PSMD11: variants seen among roughly 807,000 people sequenced by gnomAD.
PSMD11 encodes the protein proteasome 26S subunit, non-ATPase 11.
PSMD11 carries 5 observed loss-of-function variants against 62.3 expected under a neutral mutation model. The observed-to-expected ratio is 0.08, with a 90% CI of 0.04 to 0.17. PSMD11 has a LOEUF of 0.17. Ranked by LOEUF, PSMD11 falls within the 10% of genes least tolerant of loss-of-function variation. The pLI is 1.00. For synonymous variants in PSMD11, 191 were observed against 191.8 expected (o/e 1.00, Z 0.03); for missense variants, 310 against 512.9 (o/e 0.60, Z 3.82).
intron 3 of PSMD11, among the ~76,000 whole-genome samples, chr17:32,460,753 C>CT (rs1907809463): frequency 8.3e-6 from 1 of 120,278 alleles, no homozygotes; most frequent in Non-Finnish European, 1.9e-5. Context: ...GAGACACTGT[C>CT]TCAAAAAAAA....
chr17:32,465,490 G>T (rs1907967938), intron 5 of PSMD11, among the ~76,000 whole-genome samples: 1 of 152,096 alleles, frequency 6.6e-6, no homozygotes, highest in South Asian at 2.1e-4. Context: ...GATCTATTAG[G>T]TTGAAGAGTT....
Position 32,479,737 on chromosome 17 carries a change from G to A in PSMD11, c.1039-114G>A, listed in dbSNP as rs1908434743. On this transcript the variant is annotated intron_variant, in intron 10 of 13. Transcript: ENST00000261712. Reference sequence around the variant, plus strand: ...AGAGACTTAAGCACGGCCAAGGAGGGTCTTACATTAGAATTTTGAGAAATA... The same window carrying A: ...AGAGACTTAAGCACGGCCAAGGAGGATCTTACATTAGAATTTTGAGAAATA... 3 of 1,256,050 alleles carry A rather than the reference G, an allele frequency of 2.4e-6. No homozygotes were observed. The South Asian group carries it at 3.8e-5, about 16-fold the overall frequency. The allele number at this position is 1,256,050 out of a possible 1,614,324, so 77.8% of individuals were successfully genotyped here. A position where few individuals can be genotyped will look rare whatever the true frequency, so the allele number is the denominator to read the frequency against.
rs1224374202 is a variant in PSMD11 at position 32,483,189 on chromosome 17, A to C, written c.*2437A>C. On this transcript the variant is annotated 3_prime_UTR_variant, in exon 14 of 14. Coordinates refer to ENST00000261712, the MANE Select transcript of PSMD11 (RefSeq NM_002815.4). ...GAGCTGTGATACACTGCAAGTGTAAACACAAACCAGACTTCGAAGGCTTAG... is the reference window on the plus strand; with the variant it reads ...GAGCTGTGATACACTGCAAGTGTAACCACAAACCAGACTTCGAAGGCTTAG... 1 of 152,248 alleles carries C rather than the reference A, an allele frequency of 6.6e-6. No individual in the cohort carries two copies. The highest frequency in any genetic ancestry group is 1.5e-5 in the Non-Finnish European group (1 of 68,040). The allele number at this position is 152,248 out of a possible 1,614,324, so 9.4% of individuals were successfully genotyped here.
chr17:32,479,121 T>A, intron 9 of PSMD11, 130 bp from the exon 10 acceptor site: 1 of 1,220,044 alleles, frequency 8.2e-7, no homozygotes, highest in Non-Finnish European at 1.1e-6. Context: ...ATCATGCATC[T>A]CCCCAGATCT....
At chr17:32,466,778 G>T (rs1366691671) in intron 5 of PSMD11, among the ~76,000 whole-genome samples, 3 of 152,072 alleles carry the variant, frequency 2.0e-5, no homozygotes, top group Non-Finnish European at 4.4e-5. Flanking sequence ...TTGTATGAGG[G>T]TTCCAATTTT....
chr17:32,465,898 C>G (rs1907978105), intron 5 of PSMD11, among the ~76,000 whole-genome samples: 1 of 152,128 alleles, frequency 6.6e-6, no homozygotes. Context: ...TCATTTGAAC[C>G]CGGGAGGTGG....
At chr17:32,454,381 A>T (rs1346665360) in intron 2 of PSMD11, 114 bp from the exon 3 acceptor site, 6 of 1,063,234 alleles carry the variant, frequency 5.6e-6, no homozygotes, top group Non-Finnish European at 8.3e-6. Context: ...TTTCACTTAG[A>T]CTGATTCCAG....
chr17:32,463,906 C>T (rs977658427), intron 3 of PSMD11, 143 bp from the exon 4 acceptor site: 2 of 729,250 alleles, frequency 2.7e-6, no homozygotes, highest in East Asian at 2.6e-5. Context: ...ATAACTATTA[C>T]ACATTGAGAT....
rs775140318 is a variant in PSMD11 at position 32,482,224 on chromosome 17, G to C, written c.*1472G>C. ...GCTTTTATTTTCCTCTCCAAAATCA[G>C]GTTTTTGTTCTCAACATCTTTCCCC... On this transcript the variant is annotated 3_prime_UTR_variant, in exon 14 of 14. Transcript: ENST00000261712. The C allele has an allele frequency of 6.6e-5, 10 of 152,044 alleles. No individual in the cohort carries two copies. Among genetic ancestry groups the C allele is most frequent in the Non-Finnish European group, 1.0e-4 (7 of 68,016 alleles). 9.4% of individuals were successfully genotyped at this position (152,044 alleles called of 1,614,324 possible).
At position 32,482,074 on chromosome 17, in the gene PSMD11, TCTG is replaced by T. The variant is rs1318837997; in HGVS notation, c.*1326_*1328del. ...TCTTTTCCTCTCCTTCCTGCCTTCT[TCTG>T]CTGGCCTCCTTTTCTCTTTCTTTAC... On this transcript the variant is annotated 3_prime_UTR_variant, in exon 14 of 14. Coordinates refer to ENST00000261712, the MANE Select transcript of PSMD11 (RefSeq NM_002815.4). The T allele has an allele frequency of 6.6e-6, 1 of 152,158 alleles. No individual in the cohort carries two copies. Among genetic ancestry groups the T allele is most frequent in the Non-Finnish European group, 1.5e-5 (1 of 68,034 alleles). 9.4% of individuals were successfully genotyped at this position (152,158 alleles called of 1,614,324 possible).
chr17:32,476,493 C>T (rs1908325029), intron 8 of PSMD11, among the ~76,000 whole-genome samples: 1 of 152,176 alleles, frequency 6.6e-6, no homozygotes, highest in Non-Finnish European at 1.5e-5. Flanking sequence ...ATTAGCCTTG[C>T]ACCATGTAGT....
Position 32,480,523 on chromosome 17 carries a change from T to A in PSMD11, c.1161T>A (p.Ile387=). The change falls in exon 13 of 14, where the codon ATT becomes ATA. Residue 387 remains isoleucine (I), a synonymous_variant. Transcript: ENST00000261712. The part of the protein sequence containing the change: ...ILDQGEGVLI[I]FDEPPVDKTY... ...ACCAGGGGGAGGGTGTCCTGATTATTTTCGATGAACCCCCAGTAGATAAAA... is the reference window on the plus strand; with the variant it reads ...ACCAGGGGGAGGGTGTCCTGATTATATTCGATGAACCCCCAGTAGATAAAA... 1 of 1,614,182 alleles carries A rather than the reference T, an allele frequency of 6.2e-7. No homozygotes were observed. The highest frequency in any genetic ancestry group is 8.5e-7 in the Non-Finnish European group (1 of 1,180,018).
At chr17:32,473,156 CAAAAA>C (rs111700075) in intron 6 of PSMD11, among the ~76,000 whole-genome samples, 1 of 139,348 alleles carries the variant, frequency 7.2e-6, no homozygotes, top group Admixed American at 7.2e-5. Flanking sequence ...AGACTCGGCT[CAAAAA>C]AAAAAATAAA....
chr17:32,468,629 G>A (rs1908066525), intron 5 of PSMD11, among the ~76,000 whole-genome samples: 1 of 152,198 alleles, frequency 6.6e-6, no homozygotes, highest in South Asian at 2.1e-4. Flanking sequence ...GTGCCCCAGT[G>A]TTTCTTATAT....
At chr17:32,464,012 G>C in intron 3 of PSMD11, 37 bp from the exon 4 acceptor site, 1 of 1,573,722 alleles carries the variant, frequency 6.4e-7, no homozygotes, top group Non-Finnish European at 8.7e-7. Context: ...AGAATTTGAG[G>C]ACATAATGTT....
In PSMD11 at chr17:32,480,189, A is replaced by G. The variant is rs1368583751; in HGVS notation, c.1118A>G (p.Lys373Arg). ...TTATCACAGATGATTCTTGACAAGA[A>G]ATTTCATGGTAAGTAACAGTCACAC... ...RKLSQMILDKKFHGILDQGEG... is the reference protein window; with the variant it reads ...RKLSQMILDKRFHGILDQGEG... The change falls in exon 12 of 14, where the codon AAA (lysine) becomes AGA (arginine). Residue 373 changes from lysine to arginine, a missense_variant. Lys to Arg is a conservative substitution (Grantham distance 26). Coordinates refer to ENST00000261712, the MANE Select transcript of PSMD11 (RefSeq NM_002815.4). The G allele has an allele frequency of 6.2e-7, 1 of 1,613,576 alleles. No individual in the cohort carries two copies. Among genetic ancestry groups the G allele is most frequent in the Non-Finnish European group, 8.5e-7 (1 of 1,179,470 alleles).
intron 5 of PSMD11, 132 bp downstream of exon 5, chr17:32,464,710 A>C (rs1380544914): frequency 3.3e-6 from 2 of 599,162 alleles, no homozygotes; most frequent in Admixed American, 7.1e-5. Context: ...AGTAGCTTAC[A>C]GTTCTGCATT....
intron 3 of PSMD11, among the ~76,000 whole-genome samples, chr17:32,459,050 G>A (rs574589503): frequency 1.3e-4 from 19 of 147,562 alleles, no homozygotes; most frequent in Middle Eastern, 3.5e-3. Flanking sequence ...AGCCAAGATC[G>A]TGCCACTGCA....
intron 1 of PSMD11, 141 bp from the exon 2 acceptor site, chr17:32,446,804 G>GGT: frequency 2.9e-6 from 1 of 343,828 alleles, no homozygotes; most frequent in Non-Finnish European, 5.2e-6. Context: ...CTGGCTTAGA[G>GGT]TTTTTTTTTT....
Sources: gnomAD v4.1 joint callset for allele counts (sites outside exome capture counted in the v4.1 genomes callset) on GRCh38, gnomAD v4.1.1 for gene constraint, MANE v1.5 for transcripts, NCBI Gene and HGNC (gene_info 2026-07-23, HGNC 2026-07-21) for gene names.